The following ME3 variants were observed in gnomAD, a reference collection of about 807,000 sequenced individuals.
The protein encoded by ME3 is malic enzyme 3.
Under a neutral mutation model 68.9 loss-of-function variants are expected in ME3, and 48 were observed. The ratio of observed to expected loss-of-function variants is 0.70; its 90% CI spans 0.55 to 0.89. The LOEUF (loss-of-function observed/expected upper bound fraction) is 0.89, where lower values mean the gene tolerates loss of function less well. Ranked by LOEUF, ME3 falls within the 40% of genes least tolerant of loss-of-function variation. The pLI, the probability that ME3 is intolerant of heterozygous loss-of-function variation, is 0.00. For missense variants in ME3, 675 were observed against 797.4 expected, an observed-to-expected ratio of 0.85 and a Z score of 1.85; for synonymous variants, 320 against 318.8, an observed-to-expected ratio of 1.00 and a Z score of -0.04.
intron 6 of ME3, among the ~76,000 whole-genome samples, chr11:86,492,618 T>C (rs908960350): frequency 5.9e-5 from 9 of 152,186 alleles, no homozygotes; most frequent in Admixed American, 5.2e-4. Flanking sequence ...ACCAAGTAAG[T>C]CAATGATTAT....
chr11:86,598,406 C>T (rs868250736), intron 2 of ME3, among the ~76,000 whole-genome samples: 24 of 152,300 alleles, frequency 1.6e-4, no homozygotes, highest in East Asian at 3.9e-4. Context: ...GAGGGGCACC[C>T]GCCATTGCCC....
At chr11:86,546,849 A>G (rs1337783402) in intron 4 of ME3, among the ~76,000 whole-genome samples, 1 of 152,160 alleles carries the variant, frequency 6.6e-6, no homozygotes, top group African/African-American at 2.4e-5. Context: ...TCATTCCACT[A>G]TAAAGACACA....
At chr11:86,447,141 C>A (rs15926) in exon 12 of ME3, 144 of 1,614,148 alleles carry the variant, frequency 8.9e-5, no homozygotes, top group Non-Finnish European at 1.2e-4. Context: ...GATGATAGGG[C>A]GCTCGTGGAA....
intron 4 of ME3, among the ~76,000 whole-genome samples, chr11:86,526,959 TCTC>T (rs1954803968): frequency 6.6e-6 from 1 of 152,174 alleles, no homozygotes; most frequent in South Asian, 2.1e-4. Flanking sequence ...TCAGAGTGCC[TCTC>T]CTCCTCCAAA....
At chr11:86,454,478 C>G (rs1185929345) in intron 8 of ME3, among the ~76,000 whole-genome samples, 1 of 152,218 alleles carries the variant, frequency 6.6e-6, no homozygotes, top group Non-Finnish European at 1.5e-5. Flanking sequence ...TAAAAATGAT[C>G]ATCATGAATA....
At chr11:86,475,872 T>TAGAGAGAGAGAGAGAG (rs1317802075) in intron 7 of ME3, among the ~76,000 whole-genome samples, 3 of 103,728 alleles carry the variant, frequency 2.9e-5, no homozygotes, top group Non-Finnish European at 5.7e-5. Context: ...TATATATATA[T>TAGAGAGAGAGAGAGAG]ATAGAGAGAG....
At chr11:86,492,514 T>G (rs1384216006) in intron 6 of ME3, among the ~76,000 whole-genome samples, 3 of 152,346 alleles carry the variant, frequency 2.0e-5, no homozygotes, top group Non-Finnish European at 4.4e-5. Context: ...GCTTATTCAC[T>G]TCCATACTTT....
At chr11:86,638,003 C>T (rs1594749577) in intron 2 of ME3, among the ~76,000 whole-genome samples, 1 of 146,926 alleles carries the variant, frequency 6.8e-6, no homozygotes, top group South Asian at 2.2e-4. Flanking sequence ...CACACACACA[C>T]ACATAAGGAA....
chr11:86,660,571 T>C (rs1329894347), intron 2 of ME3, among the ~76,000 whole-genome samples: 1 of 152,198 alleles, frequency 6.6e-6, no homozygotes, highest in Non-Finnish European at 1.5e-5. Flanking sequence ...CTTAGATTGT[T>C]CTGAGTGTAA....
intron 2 of ME3, among the ~76,000 whole-genome samples, chr11:86,649,150 G>A (rs1267655261): frequency 1.3e-5 from 2 of 152,178 alleles, no homozygotes; most frequent in Non-Finnish European, 2.9e-5. Context: ...GGGATGCAAG[G>A]CTGGTTCAAC....
intron 2 of ME3, among the ~76,000 whole-genome samples, chr11:86,576,018 CTT>C (rs1465316042): frequency 2.0e-5 from 3 of 152,196 alleles, no homozygotes; most frequent in Non-Finnish European, 2.9e-5. Flanking sequence ...TCATTCAACT[CTT>C]GAACAGAAGT....
chr11:86,620,358 G>A (rs180735969), intron 2 of ME3, among the ~76,000 whole-genome samples: 2 of 152,244 alleles, frequency 1.3e-5, no homozygotes, highest in African/African-American at 4.8e-5. Context: ...AATTTTCCCA[G>A]CTTGCTTTTA....
chr11:86,637,520 G>T (rs529691902), intron 2 of ME3, among the ~76,000 whole-genome samples: 1 of 152,296 alleles, frequency 6.6e-6, no homozygotes, highest in East Asian at 1.9e-4. Context: ...AAGGGAGTAG[G>T]CAGCACAAAG....
At chr11:86,630,199 A>G (rs1943924842) in intron 2 of ME3, among the ~76,000 whole-genome samples, 1 of 152,212 alleles carries the variant, frequency 6.6e-6, no homozygotes, top group African/African-American at 2.4e-5. Context: ...TGCTAATAAC[A>G]TATGAGCTAA....
At chr11:86,484,010 T>G (rs17149130) in intron 7 of ME3, among the ~76,000 whole-genome samples, 5,776 of 152,216 alleles carry the variant, frequency 0.038, 147 homozygotes, top group African/African-American at 0.063. Context: ...CCATCAGTCT[T>G]TGTCTCAGCT....
At chr11:86,541,035 G>C (rs1266131862) in intron 4 of ME3, among the ~76,000 whole-genome samples, 1 of 152,172 alleles carries the variant, frequency 6.6e-6, no homozygotes, top group Non-Finnish European at 1.5e-5. Flanking sequence ...AAGTGCAAGG[G>C]GTCAGGGAAC....
rs141939660 is a variant in ME3 at position 86,441,514 on chromosome 11, T to C, written c.1654-74A>G. 859 of 1,417,606 alleles carry C rather than the reference T, an allele frequency of 6.1e-4. 8 individuals are homozygous for C. In the African/African-American group the frequency reaches 0.011, roughly 19 times the overall value. The allele number at this position is 1,417,606 out of a possible 1,614,324, so 87.8% of individuals were successfully genotyped here. ...GCTTAAGGATCCTTGCTTGGGAGCA[T>C]GGGGGAGGGGAATACACCTTAAGGA... is the stretch of plus-strand genomic sequence containing the variant. On this transcript the variant is annotated intron_variant, in intron 14 of 14. Transcript: ENST00000543262.
intron 4 of ME3, among the ~76,000 whole-genome samples, chr11:86,515,914 G>C (rs1400104314): frequency 6.6e-6 from 1 of 152,218 alleles, no homozygotes; most frequent in Non-Finnish European, 1.5e-5. Flanking sequence ...AGGCTCTGCA[G>C]AGGTGCAGAA....
chr11:86,471,413 T>C (rs1409509496), intron 7 of ME3, among the ~76,000 whole-genome samples: 1 of 152,028 alleles, frequency 6.6e-6, no homozygotes, highest in African/African-American at 2.4e-5. Flanking sequence ...GGATTACAGA[T>C]GTAGGCCCAG....
Sources: gnomAD v4.1 joint callset for allele counts (sites outside exome capture counted in the v4.1 genomes callset) on GRCh38, gnomAD v4.1.1 for gene constraint, MANE v1.5 for transcripts, NCBI Gene and HGNC (gene_info 2026-07-23, HGNC 2026-07-21) for gene names.